NUP210: variants seen among roughly 807,000 people sequenced by gnomAD.
The protein encoded by NUP210 is nuclear pore membrane glycoprotein 210.
Under a neutral mutation model 196.0 loss-of-function variants are expected in NUP210, and 151 were observed. The ratio of observed to expected loss-of-function variants is 0.77; its 90% CI spans 0.67 to 0.88. The LOEUF (loss-of-function observed/expected upper bound fraction) is 0.88, where lower values mean the gene tolerates loss of function less well. Ranked by LOEUF, NUP210 falls within the 40% of genes least tolerant of loss-of-function variation. The pLI, the probability that NUP210 is intolerant of heterozygous loss-of-function variation, is 0.00. For missense variants in NUP210, 2,314 were observed against 2,493.7 expected (o/e 0.93, Z 1.53); for synonymous variants, 1,070 against 1,052.7 (o/e 1.02, Z -0.32).
chr3:13,322,541 T>C (rs571930231), intron 34 of NUP210, among the ~76,000 whole-genome samples: 2 of 152,356 alleles, frequency 1.3e-5, no homozygotes, highest in Admixed American at 6.5e-5. Context: ...GAGGATGCCA[T>C]CGGCATCACA....
chr3:13,359,740 G>A (rs778373748), intron 15 of NUP210, among the ~76,000 whole-genome samples: 6 of 152,290 alleles, frequency 3.9e-5, no homozygotes, highest in Non-Finnish European at 7.3e-5. Flanking sequence ...ACAGCAAGAA[G>A]CCCTCCAGCC....
chr3:13,322,809 G>A (rs1486930435), intron 34 of NUP210, among the ~76,000 whole-genome samples: 2 of 152,360 alleles, frequency 1.3e-5, no homozygotes, highest in Non-Finnish European at 2.9e-5. Flanking sequence ...TAATCAGGAC[G>A]AGAAGGGCGG....
intron 36 of NUP210, among the ~76,000 whole-genome samples, chr3:13,320,349 C>A (rs551891245): frequency 6.6e-6 from 1 of 152,296 alleles, no homozygotes; most frequent in Non-Finnish European, 1.5e-5. Context: ...AAAGGCTAAA[C>A]CAGGCTGGGC....
chr3:13,381,618 C>T (rs759568797), intron 6 of NUP210, among the ~76,000 whole-genome samples: 3 of 152,114 alleles, frequency 2.0e-5, no homozygotes, highest in East Asian at 1.9e-4. Context: ...TTGTAAGAGA[C>T]ACTGAATGTG....
At position 13,399,748 on chromosome 3, in the gene NUP210, C is replaced by T. The variant is rs1438780808; in HGVS notation, c.281G>A (p.Ser94Asn). ...ACTGATGTCCTCTGCGAAGATGATG[C>T]TGGTGAGGCGGGCAGGCTGGGTCAG... ...ARLTQPARLTSIIFAEDITTG... is the reference protein window; with the variant it reads ...ARLTQPARLTNIIFAEDITTG... Residue 94 changes from serine to asparagine, a missense_variant, in exon 2 of 40, where the codon AGC (serine) becomes AAC (asparagine). Ser to Asn is a conservative substitution (Grantham distance 46). Coordinates refer to ENST00000254508, the MANE Select transcript of NUP210 (RefSeq NM_024923.4). 21 of 1,614,020 alleles carry T rather than the reference C, an allele frequency of 1.3e-5. No individual in the cohort carries two copies. The highest frequency in any genetic ancestry group is 1.7e-5 in the Non-Finnish European group (20 of 1,180,010).
At chr3:13,410,006 C>T (rs541122915) in intron 1 of NUP210, among the ~76,000 whole-genome samples, 2 of 146,436 alleles carry the variant, frequency 1.4e-5, no homozygotes, top group African/African-American at 2.6e-5. Context: ...ATTTTTAGCA[C>T]GTCACCCAGC....
At chr3:13,393,708 G>A (rs1422047188) in intron 3 of NUP210, among the ~76,000 whole-genome samples, 1 of 152,232 alleles carries the variant, frequency 6.6e-6, no homozygotes, top group Non-Finnish European at 1.5e-5. Flanking sequence ...GTGGCAAGGG[G>A]GAAGGGAAAG....
chr3:13,369,136 G>C (rs1698640992), intron 13 of NUP210, among the ~76,000 whole-genome samples: 1 of 152,168 alleles, frequency 6.6e-6, no homozygotes, highest in South Asian at 2.1e-4. Flanking sequence ...CCTAAGGAGT[G>C]TAGTGCTTTT....
Position 13,322,220 on chromosome 3 carries a change from C to A in NUP210, c.4888G>T (p.Val1630Leu), listed in dbSNP as rs773002956. Reference sequence around the variant, plus strand: ...AGAGCAGTGTCAAACTGTGGCTCCACGGTGAACACATCTTGAGATGGGAAA... The same window carrying A: ...AGAGCAGTGTCAAACTGTGGCTCCAAGGTGAACACATCTTGAGATGGGAAA... ...FDFPSQDVFT[V>L]EPQFDTALGQ... The change falls in exon 35 of 40, where the codon GTG (valine) becomes TTG (leucine). Residue 1630 changes from valine (V) to leucine (L), a missense_variant. Coordinates refer to ENST00000254508, the MANE Select transcript of NUP210 (RefSeq NM_024923.4). The A allele has an allele frequency of 5.6e-6, 9 of 1,614,234 alleles. No homozygotes were observed. Among genetic ancestry groups the A allele is most frequent in the Non-Finnish European group, 7.6e-6 (9 of 1,180,046 alleles).
In NUP210 at chr3:13,348,832, A is replaced by G. The variant is rs1697853976; in HGVS notation, c.2835+3047T>C. On this transcript the variant is annotated intron_variant, in intron 20 of 39. Coordinates refer to ENST00000254508, the MANE Select transcript of NUP210 (RefSeq NM_024923.4). The surrounding 1 kb of genome is among the most constrained non-coding windows in gnomAD (Gnocchi z 4.0). The stretch of plus-strand genomic sequence containing the variant: ...AACATCCTCTTTGCAAGACAGCTGG[A>G]GACCAACATCAAACGCTGAAGGAAG... The G allele has an allele frequency of 3.0e-6, 3 of 985,334 alleles. No homozygotes were observed. The Admixed American group carries it at 1.8e-4, about 61-fold the overall frequency. The allele number at this position is 985,334 out of a possible 1,614,324, so 61.0% of individuals were successfully genotyped here.
At chr3:13,333,143 C>T (rs1010386204) in intron 28 of NUP210, among the ~76,000 whole-genome samples, 2 of 152,206 alleles carry the variant, frequency 1.3e-5, no homozygotes, top group Non-Finnish European at 2.9e-5. Flanking sequence ...CTCATGAGGT[C>T]GGCTCAGATC....
In NUP210 at chr3:13,354,088, C is replaced by T. The variant is rs771139297; in HGVS notation, c.2348G>A (p.Arg783His). ...NKQVVPVSSH[R>H]NPRLDLAAYD... ...AGCAGCCAGGTCCAGCCGGGGGTTG[C>T]GGTGGCTGGACACTGGGACCTGCAG... The change falls in exon 17 of 40, where the codon CGC (arginine) becomes CAC (histidine). Residue 783 changes from arginine to histidine, a missense_variant. Physicochemically the swap from Arg to His is conservative, Grantham distance 29. Transcript: ENST00000254508. 35 of 1,594,754 alleles carry T rather than the reference C, an allele frequency of 2.2e-5. No individual in the cohort carries two copies. The highest frequency in any genetic ancestry group is 2.7e-5 in the Non-Finnish European group (32 of 1,171,022).
At position 13,358,501 on chromosome 3, in the gene NUP210, A is replaced by G. The variant is rs903822060; in HGVS notation, c.2155-106T>C. The stretch of plus-strand genomic sequence containing the variant: ...TCCCTCTGACTCAGTTTTCTCCTCT[A>G]TAGGATGGGAGTGATGACGATACCC... On this transcript the variant is annotated intron_variant, in intron 15 of 39. Coordinates refer to ENST00000254508, the MANE Select transcript of NUP210 (RefSeq NM_024923.4). The G allele has an allele frequency of 4.4e-6, 5 of 1,138,760 alleles. No homozygotes were observed. The South Asian group carries it at 4.8e-5, about 11-fold the overall frequency. 70.5% of individuals were successfully genotyped at this position (1,138,760 alleles called of 1,614,324 possible).
At chr3:13,392,926 C>T (rs1318371610) in intron 3 of NUP210, among the ~76,000 whole-genome samples, 1 of 152,048 alleles carries the variant, frequency 6.6e-6, no homozygotes, top group Non-Finnish European at 1.5e-5. Context: ...TCCTGCCTTC[C>T]AGAGTCAGAG....
intron 14 of NUP210, among the ~76,000 whole-genome samples, chr3:13,364,362 C>A (rs1698461941): frequency 6.6e-6 from 1 of 152,276 alleles, no homozygotes; most frequent in South Asian, 2.1e-4. Context: ...CACTAATGGA[C>A]ATCTGAGAAG....
chr3:13,367,389 C>T (rs1265969887), intron 13 of NUP210, among the ~76,000 whole-genome samples: 4 of 152,280 alleles, frequency 2.6e-5, no homozygotes, highest in East Asian at 1.9e-4. Context: ...GAGCCGAGAA[C>T]GCACCATTGC....
chr3:13,376,548 T>G, intron 9 of NUP210, 117 bp from the exon 10 acceptor site: 3 of 1,144,322 alleles, frequency 2.6e-6, no homozygotes, highest in Non-Finnish European at 1.3e-6. Context: ...AGGGGCCCCC[T>G]GGGGCTCAGC....
chr3:13,334,815 C>T (rs950895905), intron 28 of NUP210, among the ~76,000 whole-genome samples: 8 of 152,198 alleles, frequency 5.3e-5, no homozygotes, highest in Non-Finnish European at 7.3e-5. Context: ...CAGGGCTGCA[C>T]CCCAGGCAGG....
rs566244004 is a variant in NUP210 at position 13,333,292 on chromosome 3, G to A, written c.3844-908C>T. Among the ~76,000 whole-genome samples the A allele has an allele frequency of 1.8e-4, 28 of 152,308 alleles. 1 individual carries two copies. The South Asian group carries it at 5.2e-3, about 28-fold the overall frequency. On this transcript the variant is annotated intron_variant, in intron 28 of 39. Transcript: ENST00000254508. ...CACCTGTGTAAGTCCCCTCTCTCAG[G>A]CCCCTCAGGGCTGCTGCCTCCTCGG... is the stretch of plus-strand genomic sequence containing the variant.
Sources: gnomAD v4.1 joint callset for allele counts (sites outside exome capture counted in the v4.1 genomes callset) on GRCh38, gnomAD v4.1.1 for gene constraint, Gnocchi (gnomAD v3.1) non-coding constraint, MANE v1.5 for transcripts, NCBI Gene and HGNC (gene_info 2026-07-23, HGNC 2026-07-21) for gene names.